HS2ST1: variants seen among roughly 807,000 people sequenced by gnomAD.
The protein encoded by HS2ST1 is heparan sulfate 2-O-sulfotransferase 1.
HS2ST1 carries 18 observed loss-of-function variants against 42.9 expected under a neutral mutation model. The ratio of observed to expected loss-of-function variants is 0.42; its 90% confidence interval spans 0.29 to 0.62. The LOEUF is 0.62. Ranked by LOEUF, HS2ST1 falls within the 20% of genes least tolerant of loss-of-function variation. The probability of loss-of-function intolerance (pLI) is 0.21; values close to 1 mark genes in which losing one functional copy is unlikely to be tolerated. For synonymous variants in HS2ST1, 146 were observed against 152.9 expected, an observed-to-expected ratio of 0.95 and a Z score of 0.33; for missense variants, 334 against 433.8, an observed-to-expected ratio of 0.77 and a Z score of 2.04.
chr1:87,008,246 TTAAAAA>T (rs764899091), intron 1 of HS2ST1, among the ~76,000 whole-genome samples: 10 of 152,158 alleles, frequency 6.6e-5, no homozygotes, highest in Non-Finnish European at 1.0e-4. Flanking sequence ...GTAGAGTGAC[TTAAAAA>T]TAAGAAAAGT....
chr1:87,057,499 G>C (rs546297569), intron 1 of HS2ST1, among the ~76,000 whole-genome samples: 1 of 151,294 alleles, frequency 6.6e-6, no homozygotes, highest in Non-Finnish European at 1.5e-5. Context: ...ACAGTGTTGT[G>C]CCTCCAAGGA....
chr1:87,080,624 A>T (rs1441764151), intron 2 of HS2ST1, among the ~76,000 whole-genome samples: 1 of 152,202 alleles, frequency 6.6e-6, no homozygotes, highest in East Asian at 1.9e-4. Context: ...CAGGTGAGCA[A>T]TCATAGTACC....
rs1553135008 is a variant in HS2ST1, at chr1:86,985,368, G to GTATATATATATA, written c.124+70213_124+70224dup. On this transcript the variant is annotated intron_variant, in intron 1 of 6. Coordinates refer to ENST00000370550, the MANE Select transcript of HS2ST1 (RefSeq NM_012262.4). ...ACTTGTATCAAAAAAAAAAAAAAAA[G>GTATATATATATA]TATATATATATATATACACACACAC... is the stretch of plus-strand genomic sequence containing the variant. Among the ~76,000 whole-genome samples, 4 of 26,908 alleles carry GTATATATATATA rather than the reference G, an allele frequency of 1.5e-4. 1 individual carries two copies. Among genetic ancestry groups the GTATATATATATA allele is most frequent in the African/African-American group, 3.2e-4 (4 of 12,342 alleles). 17.7% of individuals were successfully genotyped at this position (26,908 alleles called of 152,430 possible).
At chr1:86,954,009 C>G (rs894433313) in intron 1 of HS2ST1, among the ~76,000 whole-genome samples, 14 of 70,750 alleles carry the variant, frequency 2.0e-4, no homozygotes, top group Non-Finnish European at 2.5e-4. Flanking sequence ...AAAACAATTG[C>G]AATAGTAATA....
chr1:87,005,902 G>A (rs762587451), intron 1 of HS2ST1, among the ~76,000 whole-genome samples: 6 of 152,140 alleles, frequency 3.9e-5, no homozygotes, highest in African/African-American at 7.2e-5. Flanking sequence ...GGAAGATTAC[G>A]TTACTGTTGT....
At chr1:86,989,031 G>A (rs1648871341) in intron 1 of HS2ST1, among the ~76,000 whole-genome samples, 1 of 152,218 alleles carries the variant, frequency 6.6e-6, no homozygotes, top group Admixed American at 6.5e-5. Flanking sequence ...AATGGTAAGA[G>A]TTTCACTACT....
chr1:87,060,630 G>A (rs1651096543), intron 1 of HS2ST1, among the ~76,000 whole-genome samples: 1 of 152,154 alleles, frequency 6.6e-6, no homozygotes, highest in South Asian at 2.1e-4. Context: ...TTAAAGCATA[G>A]TGAGAATTCA....
chr1:87,077,367 G>T (rs761143104), intron 2 of HS2ST1, among the ~76,000 whole-genome samples: 2 of 152,070 alleles, frequency 1.3e-5, no homozygotes, highest in Non-Finnish European at 2.9e-5. Flanking sequence ...CATTGAATAC[G>T]CCAAGCCTTT....
intron 1 of HS2ST1, among the ~76,000 whole-genome samples, chr1:87,041,004 CCT>C (rs1650506658): frequency 1.3e-5 from 2 of 151,996 alleles, no homozygotes; most frequent in Admixed American, 6.6e-5. Flanking sequence ...ACTAAGCTCT[CCT>C]CTGTCTTAAA....
At chr1:86,919,194 C>T (rs1660238105) in intron 1 of HS2ST1, among the ~76,000 whole-genome samples, 1 of 152,064 alleles carries the variant, frequency 6.6e-6, no homozygotes, top group Non-Finnish European at 1.5e-5. Context: ...ATCTGCCCCC[C>T]TCTGCCTTCC....
At chr1:87,068,458 C>T (rs945090317) in intron 1 of HS2ST1, among the ~76,000 whole-genome samples, 1 of 152,170 alleles carries the variant, frequency 6.6e-6, no homozygotes, top group Non-Finnish European at 1.5e-5. Context: ...AGATTTTGGG[C>T]TGAGACGATG....
At chr1:86,986,617 G>A (rs553752283) in intron 1 of HS2ST1, among the ~76,000 whole-genome samples, 4 of 152,284 alleles carry the variant, frequency 2.6e-5, no homozygotes, top group African/African-American at 9.6e-5. Context: ...CTTAAATTGT[G>A]GAAGAGGGAC....
At chr1:87,044,915 T>C in intron 1 of HS2ST1, 1 of 1,510,606 alleles carries the variant, frequency 6.6e-7, no homozygotes, top group South Asian at 1.3e-5. Flanking sequence ...GGGCTCTGTT[T>C]AGAGGCATTT....
At chr1:86,990,832 ATATATTTTTTTTTTT>A (rs1173526107) in intron 1 of HS2ST1, among the ~76,000 whole-genome samples, 7 of 17,784 alleles carry the variant, frequency 3.9e-4, no homozygotes, top group African/African-American at 4.8e-4. Flanking sequence ...ATATATATAT[ATATATTTTTTTTTTT>A]TTTTTTTTTT....
chr1:87,022,747 A>T (rs1649983967), intron 1 of HS2ST1, among the ~76,000 whole-genome samples: 1 of 152,208 alleles, frequency 6.6e-6, no homozygotes, highest in Non-Finnish European at 1.5e-5. Context: ...ATATACCATT[A>T]TAAAGGAATA....
At chr1:87,030,772 A>G (rs1347298058) in intron 1 of HS2ST1, among the ~76,000 whole-genome samples, 2 of 152,130 alleles carry the variant, frequency 1.3e-5, no homozygotes, top group African/African-American at 4.8e-5. Context: ...TTCACAGACA[A>G]ATATTTCTGT....
intron 1 of HS2ST1, among the ~76,000 whole-genome samples, chr1:87,016,675 G>A (rs748310859): frequency 3.9e-5 from 6 of 152,138 alleles, no homozygotes; most frequent in Admixed American, 3.3e-4. Flanking sequence ...CTTCCAAGTT[G>A]CAGCAGCTAT....
intron 1 of HS2ST1, among the ~76,000 whole-genome samples, chr1:86,927,044 G>A (rs540664997): frequency 4.5e-4 from 68 of 152,262 alleles, no homozygotes; most frequent in African/African-American, 1.3e-3. Context: ...CTCCAGAAGA[G>A]GTTTTTGCTT....
At chr1:87,065,670 C>A (rs924252466) in intron 1 of HS2ST1, among the ~76,000 whole-genome samples, 1 of 152,076 alleles carries the variant, frequency 6.6e-6, no homozygotes, top group African/African-American at 2.4e-5. Context: ...TCAAAGGAGT[C>A]CATGATCCCA....
Sources: gnomAD v4.1 joint callset for allele counts (sites outside exome capture counted in the v4.1 genomes callset) on GRCh38, gnomAD v4.1.1 for gene constraint, MANE v1.5 for transcripts, NCBI Gene and HGNC (gene_info 2026-07-23, HGNC 2026-07-21) for gene names.